The following KLRD1 variants were observed in gnomAD, a reference collection of about 807,000 sequenced individuals.
KLRD1 encodes the protein natural killer cells antigen CD94.
A neutral mutation model predicts 22.6 loss-of-function variants in KLRD1; 21 were observed. The observed-to-expected ratio is 0.93, with a 90% CI of 0.66 to 1.34. The LOEUF (loss-of-function observed/expected upper bound fraction) is 1.34. Among genes scored for constraint, KLRD1 ranks in the 40% most tolerant of loss-of-function variants. KLRD1 has a pLI of 0.00. For synonymous variants in KLRD1, 59 were observed against 71.1 expected, an observed-to-expected ratio of 0.83 and a Z score of 0.85; for missense variants, 183 against 208.6, an observed-to-expected ratio of 0.88 and a Z score of 0.76.
chr12:10,273,806 C>T (rs756450770), intron 1 of KLRD1, among the ~76,000 whole-genome samples: 5 of 151,828 alleles, frequency 3.3e-5, no homozygotes, highest in Non-Finnish European at 7.4e-5. Flanking sequence ...GAGAAAAATA[C>T]GTACATTCAA....
chr12:10,282,714 C>T (rs966535055), intron 1 of KLRD1, among the ~76,000 whole-genome samples: 1 of 151,896 alleles, frequency 6.6e-6, no homozygotes, highest in Non-Finnish European at 1.5e-5. Flanking sequence ...GATGTGGGTA[C>T]AAAGTTAGAA....
chr12:10,277,261 G>T, intron 1 of KLRD1, among the ~76,000 whole-genome samples: 1 of 151,688 alleles, frequency 6.6e-6, no homozygotes, highest in East Asian at 1.9e-4. Flanking sequence ...GATTCTAATT[G>T]CATGAAATAT....
In KLRD1 at chr12:10,279,213, T is replaced by G. The variant is rs576884285; in HGVS notation, c.-100-28765T>G. The stretch of plus-strand genomic sequence containing the variant: ...CTTTGTGTCCACATGTATTCAATGT[T>G]TAGCTCCCACTTATAAGTGAGAACA... On this transcript the variant is annotated intron_variant, in intron 1 of 5. Transcript: ENST00000544747. Among the ~76,000 whole-genome samples the G allele has an allele frequency of 3.9e-5, 6 of 152,268 alleles. No individual in the cohort carries two copies. In the East Asian group the frequency reaches 1.2e-3, roughly 29 times the overall value.
chr12:10,277,739 A>G (rs1269815791), intron 1 of KLRD1, among the ~76,000 whole-genome samples: 2 of 152,144 alleles, frequency 1.3e-5, no homozygotes, highest in South Asian at 2.1e-4. Flanking sequence ...TTATTTTATG[A>G]TATTACTTCA....
At chr12:10,273,952 A>G (rs555625594) in intron 1 of KLRD1, among the ~76,000 whole-genome samples, 1 of 152,286 alleles carries the variant, frequency 6.6e-6, no homozygotes, top group Non-Finnish European at 1.5e-5. Context: ...TGTTCCAGGA[A>G]AAACAATTAA....
At chr12:10,270,144 C>CGGTT (rs1949536769) in intron 1 of KLRD1, among the ~76,000 whole-genome samples, 2 of 152,020 alleles carry the variant, frequency 1.3e-5, no homozygotes, top group African/African-American at 4.8e-5. Flanking sequence ...TCTATCAAAC[C>CGGTT]ACTCAGCTAT....
In KLRD1 at chr12:10,324,117, C is replaced by CAAAGTGCTGGAA. The variant is rs1157085438; in HGVS notation, c.*9324_*9325insAAAGTGCTGGAA. 1 of 152,232 alleles carries CAAAGTGCTGGAA rather than the reference C, an allele frequency of 6.6e-6. No homozygotes were observed. The highest frequency in any genetic ancestry group is 1.9e-4 in the East Asian group (1 of 5,202). The allele number at this position is 152,232 out of a possible 1,614,324, so 9.4% of individuals were successfully genotyped here. A position where few individuals can be genotyped will look rare whatever the true frequency, so the allele number is the denominator to read the frequency against. ...CCTCAACTGCTCCACCTGCCTTGAC[C>CAAAGTGCTGGAA]TCCCAAAGTGCTGGAATTACAGGCG... On this transcript the variant is annotated 3_prime_UTR_variant, in exon 6 of 6. Transcript: ENST00000336164.
chr12:10,249,227 C>T (rs992256203), intron 1 of KLRD1, among the ~76,000 whole-genome samples: 2 of 152,118 alleles, frequency 1.3e-5, no homozygotes, highest in African/African-American at 4.8e-5. Flanking sequence ...ACATCCCTTA[C>T]AGTAAACTAC....
chr12:10,293,173 T>TATATATATATGTATATATATATAC (rs1172260692), intron 1 of KLRD1, among the ~76,000 whole-genome samples: 1 of 17,374 alleles, frequency 5.8e-5, no homozygotes, highest in East Asian at 8.5e-4. Flanking sequence ...TATATACACA[T>TATATATATATGTATATATATATAC]ATACACATAA....
chr12:10,260,095 C>G (rs886452835), intron 1 of KLRD1, among the ~76,000 whole-genome samples: 2 of 16,844 alleles, frequency 1.2e-4, no homozygotes, highest in African/African-American at 1.3e-4. Flanking sequence ...TAACTAGATG[C>G]TCATATCATT....
At chr12:10,245,597 TTGA>T (rs1321992754) in intron 1 of KLRD1, among the ~76,000 whole-genome samples, 1 of 152,188 alleles carries the variant, frequency 6.6e-6, no homozygotes, top group African/African-American at 2.4e-5. Context: ...CTATTGTATA[TTGA>T]TTATTTAATC....
chr12:10,286,125 C>T (rs539222867), intron 1 of KLRD1, among the ~76,000 whole-genome samples: 13 of 152,230 alleles, frequency 8.5e-5, no homozygotes, highest in African/African-American at 3.1e-4. Flanking sequence ...TTATTTTAGG[C>T]AGCAGCAACT....
chr12:10,269,261 C>T (rs1949527859), intron 1 of KLRD1, among the ~76,000 whole-genome samples: 1 of 152,156 alleles, frequency 6.6e-6, no homozygotes, highest in Non-Finnish European at 1.5e-5. Context: ...AGCAATTCTC[C>T]TGCCTCAGCC....
upstream of KLRD1, among the ~76,000 whole-genome samples, chr12:10,305,176 A>G (rs1305163569): frequency 2.0e-5 from 3 of 152,198 alleles, no homozygotes; most frequent in Non-Finnish European, 4.4e-5. Context: ...TGAAGTCATC[A>G]CTTGCTCTTA....
intron 4 of KLRD1, among the ~76,000 whole-genome samples, chr12:10,313,127 C>G (rs979470468): frequency 1.4e-4 from 22 of 152,050 alleles, no homozygotes; most frequent in African/African-American, 4.8e-4. Context: ...TCTTTGATCC[C>G]CCGTGAAGAA....
chr12:10,280,558 G>A (rs1418324789), intron 1 of KLRD1, among the ~76,000 whole-genome samples: 2 of 152,120 alleles, frequency 1.3e-5, no homozygotes, highest in Admixed American at 6.6e-5. Context: ...ATCAGAAGAT[G>A]CCAAGAGTTC....
intron 1 of KLRD1, among the ~76,000 whole-genome samples, chr12:10,266,675 T>A (rs1949501937): frequency 1.3e-5 from 2 of 151,914 alleles, no homozygotes; most frequent in Admixed American, 6.6e-5. Context: ...GTATCTTATT[T>A]TATATATATG....
intron 1 of KLRD1, among the ~76,000 whole-genome samples, chr12:10,270,595 C>T (rs563335894): frequency 6.6e-6 from 1 of 152,222 alleles, no homozygotes; most frequent in East Asian, 1.9e-4. Context: ...GAAAATATAC[C>T]TCAGCTTGTG....
At chr12:10,298,737 A>G (rs929597246) in intron 1 of KLRD1, among the ~76,000 whole-genome samples, 1 of 152,230 alleles carries the variant, frequency 6.6e-6, no homozygotes, top group Non-Finnish European at 1.5e-5. Flanking sequence ...AGCCAGACCC[A>G]TCGCTTTATT....
Sources: gnomAD v4.1 joint callset for allele counts (sites outside exome capture counted in the v4.1 genomes callset) on GRCh38, gnomAD v4.1.1 for gene constraint, MANE v1.5 for transcripts, NCBI Gene and HGNC (gene_info 2026-07-23, HGNC 2026-07-21) for gene names.